WIPF1: variants seen among roughly 807,000 people sequenced by gnomAD.
WIPF1 encodes WAS/WASL interacting protein family member 1.
Under a neutral mutation model 35.4 loss-of-function variants are expected in WIPF1, and 13 were observed. The ratio of observed to expected loss-of-function variants is 0.37; its 90% CI spans 0.24 to 0.58. The LOEUF is 0.58. Among genes scored for constraint, WIPF1 ranks in the 20% least tolerant of loss-of-function variants. The probability of loss-of-function intolerance (pLI) is 0.74; values close to 1 mark genes in which losing one functional copy is unlikely to be tolerated. For missense variants in WIPF1, 591 were observed against 667.0 expected (o/e 0.89, Z 1.25); for synonymous variants, 267 against 266.3 (o/e 1.00, Z -0.02).
Position 174,572,377 on chromosome 2 carries a change from G to A in WIPF1, c.428C>T (p.Pro143Leu). The A allele has an allele frequency of 6.2e-7, 1 of 1,614,130 alleles. No individual in the cohort carries two copies. Among genetic ancestry groups the A allele is most frequent in the Non-Finnish European group, 8.5e-7 (1 of 1,180,022 alleles). Reference protein sequence around the residue: ...GRSTSAKPFSPPSGPGRFPVP... With the variant: ...GRSTSAKPFSLPSGPGRFPVP... ...AGGAAACCTCCCTGGGCCACTTGGG[G>A]GTGAAAAGGGTTTCGCAGATGTGGA... The change falls in exon 5 of 8, where the codon CCC becomes CTC. Residue 143 changes from proline to leucine, a missense_variant. Transcript: ENST00000679041.
chr2:174,607,646 T>TC (rs1023511257), intron 1 of WIPF1, among the ~76,000 whole-genome samples: 1 of 151,908 alleles, frequency 6.6e-6, no homozygotes, highest in African/African-American at 2.4e-5. Context: ...CCCTACCTTC[T>TC]CCCCCCATCT....
intron 1 of WIPF1, among the ~76,000 whole-genome samples, chr2:174,669,958 G>A (rs1349440434): frequency 6.6e-6 from 1 of 152,206 alleles, no homozygotes; most frequent in Non-Finnish European, 1.5e-5. Flanking sequence ...TTCAAAAAAG[G>A]TGACATGAAT....
chr2:174,679,135 G>C (rs898633132), intron 1 of WIPF1, among the ~76,000 whole-genome samples: 1 of 152,228 alleles, frequency 6.6e-6, no homozygotes, highest in Non-Finnish European at 1.5e-5. Flanking sequence ...CTGACCCTTA[G>C]AACAATCCTT....
intron 1 of WIPF1, among the ~76,000 whole-genome samples, chr2:174,639,630 T>C (rs562669440): frequency 6.6e-6 from 1 of 152,338 alleles, no homozygotes; most frequent in East Asian, 1.9e-4. Context: ...GTCAGATGTA[T>C]GGTTTGCAAA....
In WIPF1 at chr2:174,575,328, G is replaced by T. The variant is rs771529566; in HGVS notation, c.234C>A (p.Gly78=). The part of the protein sequence containing the change: ...GGGGGGFGGG[G]GFGGGGGGGG... ...CGCCACCACCTCCTCCGCCAAATCC[G>T]CCGCCTCCACCAAAGCCACCACCAC... Residue 78 remains glycine, a synonymous_variant, in exon 4 of 8, where the codon GGC becomes GGA. Transcript: ENST00000679041. 5.6e-6 allele frequency: 9 copies of T among 1,613,108 alleles called. No homozygotes were observed. The African/African-American group carries it at 6.7e-5, about 12-fold the overall frequency.
intron 1 of WIPF1, among the ~76,000 whole-genome samples, chr2:174,658,165 G>C (rs1377587276): frequency 1.3e-5 from 2 of 152,144 alleles, no homozygotes; most frequent in African/African-American, 4.8e-5. Flanking sequence ...TCGCCTTCTA[G>C]GAGAGAGAAG....
At chr2:174,680,648 A>T (rs150426947) in intron 1 of WIPF1, among the ~76,000 whole-genome samples, 116 of 152,348 alleles carry the variant, frequency 7.6e-4, no homozygotes, top group African/African-American at 2.6e-3. Flanking sequence ...AGACAATGAC[A>T]CAGACCCAGT....
At chr2:174,662,290 C>G (rs1218133037) in intron 1 of WIPF1, among the ~76,000 whole-genome samples, 1 of 152,118 alleles carries the variant, frequency 6.6e-6, no homozygotes. Flanking sequence ...GTACAGGCAA[C>G]CATCATAGGC....
upstream of WIPF1, among the ~76,000 whole-genome samples, chr2:174,602,475 C>T (rs928354066): frequency 3.3e-5 from 5 of 152,178 alleles, no homozygotes; most frequent in Non-Finnish European, 5.9e-5. Flanking sequence ...TACTGCATCC[C>T]GCAGTTCTAA....
chr2:174,620,688 GTA>G (rs1686646444), intron 1 of WIPF1, among the ~76,000 whole-genome samples: 1 of 152,178 alleles, frequency 6.6e-6, no homozygotes, highest in Non-Finnish European at 1.5e-5. Flanking sequence ...GAGTACCAAG[GTA>G]AGAAAAGAGG....
chr2:174,631,258 T>C lies in WIPF1; in HGVS notation c.-38-45647A>G, dbSNP rs1013789373. Among the ~76,000 whole-genome samples the C allele has an allele frequency of 7.2e-5, 11 of 152,338 alleles. No homozygotes were observed. The East Asian group carries it at 1.9e-3, about 27-fold the overall frequency. ...ATGAAGGGATAAAGAAAATGTGATA[T>C]ATACATACAAATATGTTTGGCCTTA... is the stretch of plus-strand genomic sequence containing the variant. On this transcript the variant is annotated intron_variant, in intron 1 of 8. Coordinates refer to the WIPF1 transcript ENST00000272746.
chr2:174,608,479 T>C (rs564984435), intron 1 of WIPF1, among the ~76,000 whole-genome samples: 4 of 152,328 alleles, frequency 2.6e-5, no homozygotes, highest in South Asian at 4.1e-4. Flanking sequence ...TGATTTCACA[T>C]GTGGAAAGAC....
chr2:174,564,402 T>C (rs1308719830), intron 7 of WIPF1, among the ~76,000 whole-genome samples: 1 of 152,132 alleles, frequency 6.6e-6, no homozygotes, highest in Non-Finnish European at 1.5e-5. Flanking sequence ...GGGGACTACT[T>C]GAGGCCAGAA....
intron 1 of WIPF1, among the ~76,000 whole-genome samples, chr2:174,664,794 T>C (rs1574867752): frequency 6.6e-6 from 1 of 152,274 alleles, no homozygotes; most frequent in East Asian, 1.9e-4. Flanking sequence ...GTCTTCCTTT[T>C]TCTCATTTTT....
At position 174,652,970 on chromosome 2, in the gene WIPF1, T is replaced by G. The variant is rs146563721; in HGVS notation, c.-39+29804A>C. Among the ~76,000 whole-genome samples, 53 of 152,250 alleles carry G rather than the reference T, an allele frequency of 3.5e-4. No homozygotes were observed. In the East Asian group the frequency reaches 7.3e-3, roughly 21 times the overall value. On this transcript the variant is annotated intron_variant, in intron 1 of 8. Transcript: ENST00000272746. ...GATTGGTCTGTTTTCCACTCCTCTA[T>G]GAGAAAATAAACATTGAATATATAA...
chr2:174,671,153 T>A (rs1688009817), intron 1 of WIPF1, among the ~76,000 whole-genome samples: 1 of 152,362 alleles, frequency 6.6e-6, no homozygotes, highest in African/African-American at 2.4e-5. Flanking sequence ...GCTGAAGCCA[T>A]GGCAGAAGAA....
At chr2:174,564,142 T>A (rs577450761) in intron 7 of WIPF1, among the ~76,000 whole-genome samples, 2 of 152,316 alleles carry the variant, frequency 1.3e-5, no homozygotes, top group South Asian at 2.1e-4. Context: ...GCTCTCAGGC[T>A]GTGGGCTTGG....
Position 174,571,577 on chromosome 2 carries a change from C to T in WIPF1, c.1129+99G>A, listed in dbSNP as rs1054366273. 6.5e-7 allele frequency: 1 copy of T among 1,539,190 alleles called. No individual in the cohort carries two copies. Among genetic ancestry groups the T allele is most frequent in the Non-Finnish European group, 9.0e-7 (1 of 1,112,488 alleles). ...AAAAGCACAAAGCAGTCTGAGTTTA[C>T]TTATGCCTGCTTTTGTTAGACTATC... On this transcript the variant is annotated intron_variant, in intron 5 of 7. Transcript: ENST00000679041. This position sits in a 1 kb window ranked among gnomAD's most constrained non-coding sequence, Gnocchi z 4.6.
At chr2:174,588,884 C>G (rs1685516102) in intron 1 of WIPF1, among the ~76,000 whole-genome samples, 1 of 152,222 alleles carries the variant, frequency 6.6e-6, no homozygotes, top group South Asian at 2.1e-4. Context: ...CTCTCTTCCT[C>G]TGCGAACTTG....
Sources: gnomAD v4.1 joint callset for allele counts (sites outside exome capture counted in the v4.1 genomes callset) on GRCh38, gnomAD v4.1.1 for gene constraint, Gnocchi (gnomAD v3.1) non-coding constraint, MANE v1.5 for transcripts, NCBI Gene and HGNC (gene_info 2026-07-23, HGNC 2026-07-21) for gene names.